NF1: variants seen among roughly 807,000 people sequenced by gnomAD.
NF1 encodes neurofibromin.
NF1 carries 122 observed loss-of-function variants against 325.7 expected under a neutral mutation model. That is an observed-to-expected ratio of 0.37 (90% CI 0.32 to 0.44). NF1 has a LOEUF of 0.44. Among genes scored for constraint, NF1 ranks in the 20% least tolerant of loss-of-function variants. NF1 has a pLI of 1.00. For synonymous variants in NF1, 1,091 were observed against 1,186.0 expected, an observed-to-expected ratio of 0.92 and a Z score of 1.65; for missense variants, 2,140 against 3,415.4, an observed-to-expected ratio of 0.63 and a Z score of 9.31.
chr17:31,338,807 T>TAATTACTGTATAGAAAATGA lies in NF1; in HGVS notation c.6921+3_6921+22dup. 1.3e-6 allele frequency: 2 copies of TAATTACTGTATAGAAAATGA among 1,579,832 alleles called. No homozygotes were observed. Among genetic ancestry groups the TAATTACTGTATAGAAAATGA allele is most frequent in the Non-Finnish European group, 1.7e-6 (2 of 1,148,866 alleles). ...AAATTACAGCCACTTCTTAATAAGG[T>TAATTACTGTATAGAAAATGA]AATTACTGTATAGAAAATGAGTGCA... On this transcript the variant is annotated splice_region_variant and intron_variant, in intron 46 of 57. Transcript: ENST00000358273.
intron 35 of NF1, among the ~76,000 whole-genome samples, chr17:31,262,815 A>G (rs2067708165): frequency 6.6e-6 from 1 of 152,100 alleles, no homozygotes; most frequent in Non-Finnish European, 1.5e-5. Flanking sequence ...GTTTATTCCT[A>G]TGTAATTAAG....
chr17:31,295,211 G>A, intron 36 of NF1: 2 of 1,614,118 alleles, frequency 1.2e-6, no homozygotes, highest in African/African-American at 1.3e-5. Flanking sequence ...GGGTGTTGGG[G>A]ATGATTTTGT....
intron 11 of NF1, among the ~76,000 whole-genome samples, chr17:31,201,996 TAAAC>T (rs1459221117): frequency 6.6e-6 from 1 of 152,178 alleles, no homozygotes; most frequent in Non-Finnish European, 1.5e-5. Flanking sequence ...TCATTTTTCT[TAAAC>T]AAAATGAAAT....
chr17:31,259,844 C>G (rs1221784687), intron 33 of NF1, among the ~76,000 whole-genome samples: 3 of 152,178 alleles, frequency 2.0e-5, no homozygotes, highest in Non-Finnish European at 4.4e-5. Context: ...GTACAACTCT[C>G]TCTTCCAGTT....
intron 51 of NF1, among the ~76,000 whole-genome samples, chr17:31,355,275 T>C (rs148559113): frequency 6.6e-6 from 1 of 152,218 alleles, no homozygotes; most frequent in African/African-American, 2.4e-5. Flanking sequence ...TGGAAAGCAC[T>C]GACTGGTTTT....
Position 31,235,985 on chromosome 17 carries a change from A to G in NF1, c.3938A>G (p.Asp1313Gly). The G allele has an allele frequency of 6.2e-7, 1 of 1,613,746 alleles. No homozygotes were observed. The highest frequency in any genetic ancestry group is 8.5e-7 in the Non-Finnish European group (1 of 1,179,912). The change falls in exon 29 of 58, where the codon GAT becomes GGT. Residue 1313 changes from aspartate to glycine, a missense_variant. Physicochemically the swap from Asp to Gly is moderately conservative, Grantham distance 94. This residue lies in a region of NF1 where 336 missense variants were observed against 399.0 expected (regional missense o/e 0.84). Coordinates refer to ENST00000358273, the MANE Select transcript of NF1 (RefSeq NM_001042492.3). ...TTACGAATTGTGATCACATCCTCTG[A>G]TTGGCAACATGTTAGCTTTGAAGTG... is the stretch of plus-strand genomic sequence containing the variant. ...PLLRIVITSS[D>G]WQHVSFEVDP...
intron 1 of NF1, among the ~76,000 whole-genome samples, chr17:31,100,651 C>T (rs867399855): frequency 9.0e-4 from 137 of 152,244 alleles, no homozygotes; most frequent in African/African-American, 3.2e-3. Flanking sequence ...CTCACTGCAA[C>T]GTCTGCCTCC....
Position 31,200,512 on chromosome 17 carries a change from C to G in NF1, c.979C>G (p.Leu327Val), listed in dbSNP as rs1375201056. The G allele has an allele frequency of 6.2e-7, 1 of 1,614,144 alleles. No individual in the cohort carries two copies. The highest frequency in any genetic ancestry group is 8.5e-7 in the Non-Finnish European group (1 of 1,180,002). ...AAGTGCTGCAATTGCCTGTGTCAAA[C>G]TGTGTAAAGCAAGTACTTACATCAA... is the stretch of plus-strand genomic sequence containing the variant. ...TESAAIACVKLCKASTYINWE... is the reference protein window; with the variant it reads ...TESAAIACVKVCKASTYINWE... The change falls in exon 9 of 58, where the codon CTG (leucine) becomes GTG (valine). Residue 327 changes from leucine (L) to valine (V), a missense_variant. Coordinates refer to ENST00000358273, the MANE Select transcript of NF1 (RefSeq NM_001042492.3).
At chr17:31,357,477 T>C in intron 54 of NF1, 108 bp downstream of exon 54, 1 of 849,248 alleles carries the variant, frequency 1.2e-6, no homozygotes, top group Non-Finnish European at 2.0e-6. Flanking sequence ...GATATTGTGA[T>C]AGTGATTTTA....
chr17:31,336,595 T>G lies in NF1; in HGVS notation c.6148-40T>G, dbSNP rs756835946. ...TTTTGTGCTAAAACTTTGAGTCCCA[T>G]GTTTTTTTTTTTAAAAAAAAAAATC... On this transcript the variant is annotated intron_variant, in intron 41 of 57. Coordinates refer to ENST00000358273, the MANE Select transcript of NF1 (RefSeq NM_001042492.3). This position sits in a 1 kb window ranked among gnomAD's most constrained non-coding sequence, Gnocchi z 5.5. 5.3e-5 allele frequency: 81 copies of G among 1,526,480 alleles called. No homozygotes were observed. The African/African-American group carries it at 1.3e-3, about 25-fold the overall frequency. 94.6% of individuals were successfully genotyped at this position (1,526,480 alleles called of 1,614,324 possible).
chr17:31,246,939 G>A (rs529165463), intron 29 of NF1, among the ~76,000 whole-genome samples: 53 of 152,238 alleles, frequency 3.5e-4, no homozygotes, highest in African/African-American at 1.3e-3. Context: ...GCTCATGACC[G>A]TAATCCCAGC....
intron 35 of NF1, among the ~76,000 whole-genome samples, chr17:31,263,879 C>T (rs1239351399): frequency 1.3e-5 from 2 of 151,998 alleles, no homozygotes; most frequent in Non-Finnish European, 2.9e-5. Context: ...AATTGTTTAT[C>T]CTCCCTCTCA....
At chr17:31,261,645 TTAAAGAAATGTGTAGTGC>T in intron 34 of NF1, 48 bp from the exon 35 acceptor site, 1 of 1,582,362 alleles carries the variant, frequency 6.3e-7, no homozygotes, top group Non-Finnish European at 8.7e-7. Context: ...CAGTTACAAG[TTAAAGAAATGTGTAGTGC>T]TAAATGTGAA....
chr17:31,111,593 T>G (rs1254532093), intron 1 of NF1, among the ~76,000 whole-genome samples: 1 of 152,012 alleles, frequency 6.6e-6, no homozygotes, highest in Non-Finnish European at 1.5e-5. Flanking sequence ...AACTGGGAAA[T>G]AACAGACATT....
chr17:31,369,586 C>T (rs2070593279), intron 57 of NF1, among the ~76,000 whole-genome samples: 1 of 152,128 alleles, frequency 6.6e-6, no homozygotes, highest in African/African-American at 2.4e-5. Context: ...GTAGTTTTGT[C>T]TGTTTGTTGT....
chr17:31,107,303 T>C (rs1912943817), intron 1 of NF1, among the ~76,000 whole-genome samples: 1 of 152,058 alleles, frequency 6.6e-6, no homozygotes. Flanking sequence ...GAATCTGGAG[T>C]AGGGAATGAC....
At position 31,332,590 on chromosome 17, in the gene NF1, T is replaced by TA. The variant is rs540324006; in HGVS notation, c.5812+2093dup. Among the ~76,000 whole-genome samples, 233 of 100,840 alleles carry TA rather than the reference T, an allele frequency of 2.3e-3. 58 individuals are homozygous for TA. The highest frequency in any genetic ancestry group is 0.016 in the East Asian group (68 of 4,208). 66.2% of individuals were successfully genotyped at this position (100,840 alleles called of 152,430 possible). ...CAGATCATGGTTTTTTTTTTTTTTT[T>TA]ATTATACTCTAAGTTTTAGGGTACA... On this transcript the variant is annotated intron_variant, in intron 39 of 57. Coordinates refer to ENST00000358273, the MANE Select transcript of NF1 (RefSeq NM_001042492.3).
intron 10 of NF1, 120 bp downstream of exon 10, chr17:31,201,279 GTTCGT>G: frequency 6.7e-7 from 1 of 1,489,838 alleles, no homozygotes; most frequent in South Asian, 1.2e-5. Flanking sequence ...ATGTATTGAT[GTTCGT>G]TTCAAGACCT....
chr17:31,291,513 G>A (rs765354240), intron 36 of NF1, among the ~76,000 whole-genome samples: 6 of 152,028 alleles, frequency 3.9e-5, no homozygotes, highest in Non-Finnish European at 7.4e-5. Context: ...TCCTTGTTTC[G>A]ATTGTGATTT....
Sources: allele counts gnomAD v4.1 joint callset (sites outside exome capture counted in the v4.1 genomes callset), GRCh38; gene constraint gnomAD v4.1.1; regional missense constraint gnomAD v4.1.1; non-coding constraint Gnocchi (gnomAD v3.1); transcripts MANE v1.5; gene names NCBI Gene and HGNC (gene_info 2026-07-23, HGNC 2026-07-21).